FHDC1: variants seen among roughly 807,000 people sequenced by gnomAD.
FHDC1 encodes the protein FH2 domain containing 1.
In FHDC1, 25 loss-of-function variants were observed where a neutral mutation model predicts 52.6. The observed-to-expected ratio is 0.48, with a 90% CI of 0.35 to 0.66. The LOEUF is 0.66. Ranked by LOEUF, FHDC1 falls within the 30% of genes least tolerant of loss-of-function variation. The pLI is 0.01. For synonymous variants in FHDC1, 616 were observed against 581.5 expected, an observed-to-expected ratio of 1.06 and a Z score of -0.85; for missense variants, 1,459 against 1,452.8, an observed-to-expected ratio of 1.00 and a Z score of -0.07.
intron 10 of FHDC1, among the ~76,000 whole-genome samples, chr4:152,969,122 G>C (rs1472195227): frequency 6.7e-6 from 1 of 150,172 alleles, no homozygotes; most frequent in East Asian, 2.0e-4. Context: ...CATGCTTTTA[G>C]TCTTCAGCGA....
chr4:152,973,581 G>C (rs1740742957), intron 11 of FHDC1, among the ~76,000 whole-genome samples: 1 of 152,208 alleles, frequency 6.6e-6, no homozygotes, highest in African/African-American at 2.4e-5. Flanking sequence ...CAAAGAGCCA[G>C]GCACCGGCCC....
At chr4:152,948,911 G>A (rs889487863) in intron 2 of FHDC1, among the ~76,000 whole-genome samples, 2 of 151,892 alleles carry the variant, frequency 1.3e-5, no homozygotes, top group Middle Eastern at 3.2e-3. Context: ...AATTTAGTGA[G>A]ACCCCCATCT....
At chr4:152,963,601 T>C (rs1209480465) in intron 8 of FHDC1, among the ~76,000 whole-genome samples, 6 of 151,816 alleles carry the variant, frequency 4.0e-5, no homozygotes, top group African/African-American at 9.7e-5. Context: ...GTAATGGTCA[T>C]AGGGACAGAG....
chr4:152,953,998 C>A (rs1740003763), intron 3 of FHDC1, among the ~76,000 whole-genome samples: 1 of 152,192 alleles, frequency 6.6e-6, no homozygotes, highest in South Asian at 2.1e-4. Context: ...TTTTGGGATG[C>A]CCAAGGATGG....
chr4:152,960,542 C>T (rs1179173326), intron 4 of FHDC1, 23 bp from the exon 5 acceptor site: 4 of 1,583,418 alleles, frequency 2.5e-6, no homozygotes, highest in South Asian at 1.1e-5. Flanking sequence ...TTTATATACC[C>T]CCCCTTTCCA....
chr4:152,964,954 A>G lies in FHDC1; in HGVS notation c.1079A>G (p.His360Arg). 1.9e-6 allele frequency: 3 copies of G among 1,612,516 alleles called. No individual in the cohort carries two copies. Among genetic ancestry groups the G allele is most frequent in the Non-Finnish European group, 1.7e-6 (2 of 1,179,488 alleles). ...CTTCTAAACTTTTCAGAAAAATTGC[A>G]TCATGTTCAGAAGACTGCTAGGTGA... Reference protein sequence around the residue: ...TILLNFSEKLHHVQKTARLSL... With the variant: ...TILLNFSEKLRHVQKTARLSL... Residue 360 changes from histidine (H) to arginine (R), a missense_variant, in exon 9 of 12, where the codon CAT becomes CGT. Physicochemically the swap from His to Arg is conservative, Grantham distance 29. Coordinates refer to ENST00000511601, the MANE Select transcript of FHDC1 (RefSeq NM_001371116.1).
chr4:152,960,720 C>CA, intron 5 of FHDC1, 24 bp from the exon 6 acceptor site: 1 of 1,610,586 alleles, frequency 6.2e-7, no homozygotes, highest in Non-Finnish European at 8.5e-7. Flanking sequence ...TCAAATTCTA[C>CA]AGTTTTACTT....
intron 2 of FHDC1, among the ~76,000 whole-genome samples, chr4:152,949,170 A>AAGAAGAAGAAGAAGAAGAAGAAGAAGC (rs1165422183): frequency 9.1e-5 from 13 of 142,640 alleles, no homozygotes; most frequent in South Asian, 2.2e-4. Flanking sequence ...GAAGAAGAAG[A>AAGAAGAAGAAGAAGAAGAAGAAGAAGC]AGCAGAAGAA....
At chr4:152,965,072 G>A (rs1561211755) in intron 9 of FHDC1, 97 bp downstream of exon 9, 1 of 1,206,102 alleles carries the variant, frequency 8.3e-7, no homozygotes, top group African/African-American at 1.5e-5. Flanking sequence ...AGTCTAAAAG[G>A]TTTTGTTTCA....
chr4:152,943,408 G>T lies in FHDC1; in HGVS notation c.351G>T (p.Trp117Cys). The T allele has an allele frequency of 6.2e-7, 1 of 1,614,062 alleles. No homozygotes were observed. The highest frequency in any genetic ancestry group is 8.5e-7 in the Non-Finnish European group (1 of 1,180,030). ...AAGTTCGAGGCAAAACCAACATCTG[G>T]ACCTTGGCAGCCAGGCAGGAACATC... ...EEQVRGKTNIWTLAARQEHHY... is the reference protein window; with the variant it reads ...EEQVRGKTNICTLAARQEHHY... The change falls in exon 2 of 12, where the codon TGG becomes TGT. Residue 117 changes from tryptophan (W) to cysteine (C), a missense_variant. Physicochemically the swap from Trp to Cys is radical, Grantham distance 215 (BLOSUM62 -2). Around this residue, in one of 3 missense-constraint regions of FHDC1, gnomAD observed 513 missense variants for 581.5 expected, o/e 0.88. Coordinates refer to ENST00000511601, the MANE Select transcript of FHDC1 (RefSeq NM_001371116.1).
rs772849381 is a variant in FHDC1, at chr4:152,975,105, C to CG, written c.1820dup (p.Gln608ProfsTer21). 1 of 1,612,656 alleles carries CG rather than the reference C, an allele frequency of 6.2e-7. No homozygotes were observed. On this transcript the variant is annotated frameshift_variant, in exon 12 of 12. Transcript: ENST00000511601. LOFTEE classifies it low-confidence loss of function (END_TRUNC). ...AGCTTTGCACACAAACCTCAGGCCT[C>CG]GGGGGGCCAGGAGGAGGCCCCCAAC...
At position 152,942,961 on chromosome 4, in the gene FHDC1, G is replaced by T; in HGVS notation, c.-97G>T. On this transcript the variant is annotated 5_prime_UTR_variant, in exon 2 of 12. Coordinates refer to ENST00000511601, the MANE Select transcript of FHDC1 (RefSeq NM_001371116.1). Reference sequence around the variant, plus strand: ...GAGGACAGTTGCCCTTTATTCTGGCGGCAGATAGCAGCAGGTGAAAAAGTG... The same window carrying T: ...GAGGACAGTTGCCCTTTATTCTGGCTGCAGATAGCAGCAGGTGAAAAAGTG... The T allele has an allele frequency of 7.4e-7, 1 of 1,347,912 alleles. No homozygotes were observed. The highest frequency in any genetic ancestry group is 1.5e-5 in the African/African-American group (1 of 68,296). 83.5% of individuals were successfully genotyped at this position (1,347,912 alleles called of 1,614,324 possible). A position where few individuals can be genotyped will look rare whatever the true frequency, so the allele number is the denominator to read the frequency against.
chr4:152,961,191 G>A (rs543394855), intron 6 of FHDC1, among the ~76,000 whole-genome samples: 29 of 151,960 alleles, frequency 1.9e-4, no homozygotes, highest in South Asian at 1.7e-3. Context: ...GGCTGTGCAC[G>A]TACACAAAGC....
rs141025362 is a variant in FHDC1, at chr4:152,938,387, GGAACTCACA to G, written c.-131+1982_-131+1990del. 5.5e-3 allele frequency among the ~76,000 whole-genome samples: 834 copies of G among 152,198 alleles called. 8 individuals are homozygous for G. Among genetic ancestry groups the G allele is most frequent in the African/African-American group, 0.018 (761 of 41,542 alleles). On this transcript the variant is annotated intron_variant, in intron 1 of 11. Coordinates refer to ENST00000511601, the MANE Select transcript of FHDC1 (RefSeq NM_001371116.1). The stretch of plus-strand genomic sequence containing the variant: ...ACTACTGCCTGGAGCACAGGCAGAC[GGAACTCACA>G]GAAGAGCTGGACGGTCCGGCTCTGG...
At chr4:152,969,955 G>A (rs538325066) in intron 10 of FHDC1, among the ~76,000 whole-genome samples, 2 of 152,298 alleles carry the variant, frequency 1.3e-5, no homozygotes, top group African/African-American at 2.4e-5. Flanking sequence ...GAGCCACTGC[G>A]CCAACCCAGT....
chr4:152,976,869 T>A lies in FHDC1; in HGVS notation c.*146T>A. 1 of 1,079,668 alleles carries A rather than the reference T, an allele frequency of 9.3e-7. No individual in the cohort carries two copies. Among genetic ancestry groups the A allele is most frequent in the Non-Finnish European group, 1.3e-6 (1 of 788,128 alleles). 66.9% of individuals were successfully genotyped at this position (1,079,668 alleles called of 1,614,324 possible). ...TAGTGACGCTGTTGGGATGGCACAGTCCAGGAGGCCTGTGGACTGCAGCCT... is the reference window on the plus strand; with the variant it reads ...TAGTGACGCTGTTGGGATGGCACAGACCAGGAGGCCTGTGGACTGCAGCCT... On this transcript the variant is annotated 3_prime_UTR_variant, in exon 12 of 12. Coordinates refer to ENST00000511601, the MANE Select transcript of FHDC1 (RefSeq NM_001371116.1).
chr4:152,943,507 T>C lies in FHDC1; in HGVS notation c.450T>C (p.Pro150=), dbSNP rs1212691954. ...QQEDTTKSSL[P]RRGRTLNSSF... ...AAGACACCACCAAGTCTTCCCTTCC[T>C]AGGAGAGGAAGAACTTTAAATTCAT... Residue 150 remains proline (P), a synonymous_variant, in exon 2 of 12, where the codon CCT becomes CCC. Coordinates refer to ENST00000511601, the MANE Select transcript of FHDC1 (RefSeq NM_001371116.1). The C allele has an allele frequency of 6.2e-7, 1 of 1,613,800 alleles. No homozygotes were observed. Among genetic ancestry groups the C allele is most frequent in the Non-Finnish European group, 8.5e-7 (1 of 1,179,954 alleles).
chr4:152,967,703 T>C (rs1740506377), intron 9 of FHDC1, among the ~76,000 whole-genome samples: 1 of 152,234 alleles, frequency 6.6e-6, no homozygotes, highest in Admixed American at 6.5e-5. Flanking sequence ...AGAGCTAGTT[T>C]ATGAAAACGT....
At chr4:152,916,572 A>G in the FHDC1 span, among the ~76,000 whole-genome samples, 1 of 60,270 alleles carries the variant, frequency 1.7e-5, no homozygotes, top group Non-Finnish European at 4.5e-5. Flanking sequence ...TTTCATAATA[A>G]CATTAAAAAA....
Sources: allele counts gnomAD v4.1 joint callset (sites outside exome capture counted in the v4.1 genomes callset), GRCh38; gene constraint gnomAD v4.1.1; regional missense constraint gnomAD v4.1.1; transcripts MANE v1.5; gene names NCBI Gene and HGNC (gene_info 2026-07-23, HGNC 2026-07-21).